Variants in DENND2D observed in about 807,000 individuals in gnomAD.
DENND2D encodes DENN domain-containing protein 2D.
Under a neutral mutation model 59.8 loss-of-function variants are expected in DENND2D, and 37 were observed. That is an observed-to-expected ratio of 0.62 (90% CI 0.48 to 0.81). The LOEUF is 0.81. DENND2D is among the 40% of genes least tolerant of loss of function. The pLI is 0.00. For synonymous variants in DENND2D, 219 were observed against 211.3 expected (o/e 1.04, Z -0.31); for missense variants, 525 against 579.7 (o/e 0.91, Z 0.97).
intron 11 of DENND2D, 112 bp from the exon 12 acceptor site, chr1:111,187,793 G>T: frequency 1.1e-6 from 1 of 901,028 alleles, no homozygotes; most frequent in Non-Finnish European, 1.7e-6. Context: ...TGCCATCCCT[G>T]CCAGGATGTC....
Position 111,200,405 on chromosome 1 carries a change from G to A in DENND2D, c.55C>T (p.Gln19Ter). 1 of 1,612,390 alleles carries A rather than the reference G, an allele frequency of 6.2e-7. No homozygotes were observed. Among genetic ancestry groups the A allele is most frequent in the Non-Finnish European group, 8.5e-7 (1 of 1,179,124 alleles). Residue 19 changes from glutamine (Q) to a stop codon, truncating the protein, a stop_gained, in exon 1 of 12, where the codon CAA becomes TAA. Coordinates refer to ENST00000357640, the MANE Select transcript of DENND2D (RefSeq NM_024901.5). LOFTEE classifies it high-confidence loss of function. Reference sequence around the variant, plus strand: ...GTCCAGTCCTGACCTGCTCGGAGTTGAAGCAGTCGGCGTTGGAAGAGCCTG... The same window carrying A: ...GTCCAGTCCTGACCTGCTCGGAGTTAAAGCAGTCGGCGTTGGAAGAGCCTG... ...VFRLFQRRLLQLRAGPPQDNS... is the reference protein window; with the variant it reads ...VFRLFQRRLL
At chr1:111,204,334 C>T, upstream of DENND2D, 3 of 1,480,630 alleles carry the variant, frequency 2.0e-6, no homozygotes, top group Admixed American at 2.3e-5. Flanking sequence ...GGCTCGAAGG[C>T]GGCGGCCGAG....
chr1:111,194,215 G>A (rs1253323385), intron 7 of DENND2D, among the ~76,000 whole-genome samples: 3 of 152,062 alleles, frequency 2.0e-5, no homozygotes, highest in African/African-American at 4.8e-5. Flanking sequence ...CACAATAAAT[G>A]TTTGTTGAAT....
Position 111,200,617 on chromosome 1 carries a change from G to A in DENND2D, c.-158C>T. The A allele has an allele frequency of 7.0e-7, 1 of 1,434,792 alleles. No homozygotes were observed. The highest frequency in any genetic ancestry group is 9.2e-7 in the Non-Finnish European group (1 of 1,083,484). The allele number at this position is 1,434,792 out of a possible 1,614,324, so 88.9% of individuals were successfully genotyped here. ...GAGAGGGAATAGAAGTTTCCATCCT[G>A]TGCACCCAGTGGTTGAGCAAGAAGG... On this transcript the variant is annotated 5_prime_UTR_variant, in exon 1 of 12. Coordinates refer to ENST00000357640, the MANE Select transcript of DENND2D (RefSeq NM_024901.5).
intron 8 of DENND2D, 44 bp downstream of exon 8, chr1:111,192,096 C>CTCTA (rs1657829383): frequency 6.7e-7 from 1 of 1,495,400 alleles, no homozygotes; most frequent in South Asian, 1.4e-5. Context: ...CTGAATCCCA[C>CTCTA]TCTACCTGGC....
chr1:111,186,244 C>T lies in DENND2D; in HGVS notation c.*1361G>A, dbSNP rs1402642121. Among the ~76,000 whole-genome samples the T allele has an allele frequency of 5.3e-5, 8 of 152,140 alleles. No individual in the cohort carries two copies. The highest frequency in any genetic ancestry group is 1.0e-4 in the Non-Finnish European group (7 of 68,034). ...CACAAGATTCTCAGGATTCCAGTTC[C>T]TGTTCTGAAACCTTTGGAGGTACAA... On this transcript the variant is annotated 3_prime_UTR_variant, in exon 12 of 12. Transcript: ENST00000357640.
chr1:111,199,476 G>T, intron 2 of DENND2D, 147 bp downstream of exon 2: 1 of 883,466 alleles, frequency 1.1e-6, no homozygotes, highest in Non-Finnish European at 1.7e-6. Flanking sequence ...GTGCTAAGAA[G>T]GAAATGGAGA....
Position 111,194,558 on chromosome 1 carries a change from C to T in DENND2D, c.794+20G>A, listed in dbSNP as rs374884976. Reference sequence around the variant, plus strand: ...GGGATGCTGGGCAGTTCAGGTGAGCCGTCCAGGGGCTGGGCCCACCTGAGA... The same window carrying T: ...GGGATGCTGGGCAGTTCAGGTGAGCTGTCCAGGGGCTGGGCCCACCTGAGA... On this transcript the variant is annotated intron_variant, in intron 7 of 11. Coordinates refer to ENST00000357640, the MANE Select transcript of DENND2D (RefSeq NM_024901.5). 192 of 1,612,562 alleles carry T rather than the reference C, an allele frequency of 1.2e-4. No homozygotes were observed. Among genetic ancestry groups the T allele is most frequent in the East Asian group, 1.3e-4 (6 of 44,876 alleles).
At chr1:111,200,692 C>T, upstream of DENND2D, 1 of 1,306,918 alleles carries the variant, frequency 7.7e-7, no homozygotes, top group Admixed American at 3.1e-5. Flanking sequence ...ACAGAGTCAG[C>T]ATCCTGGCAC....
intron 2 of DENND2D, 69 bp downstream of exon 2, chr1:111,199,554 A>G: frequency 6.6e-7 from 1 of 1,520,448 alleles, no homozygotes; most frequent in African/African-American, 1.4e-5. Flanking sequence ...AGGAGGTGGA[A>G]CCCCCACCCC....
intron 7 of DENND2D, among the ~76,000 whole-genome samples, 191 bp from the exon 8 acceptor site, chr1:111,192,508 A>G (rs1430356414): frequency 6.6e-6 from 1 of 152,100 alleles, no homozygotes; most frequent in Non-Finnish European, 1.5e-5. Context: ...GAAACTAGAG[A>G]GTCTGAGGCT....
At chr1:111,188,666 T>G in intron 10 of DENND2D, 36 bp downstream of exon 10, 1 of 1,563,896 alleles carries the variant, frequency 6.4e-7, no homozygotes, top group Non-Finnish European at 8.8e-7. Flanking sequence ...GCCCTTGCAC[T>G]GCCTGGAGAG....
chr1:111,195,757 G>T (rs1658168967), intron 6 of DENND2D, 159 bp downstream of exon 6: 2 of 990,460 alleles, frequency 2.0e-6, no homozygotes, highest in Admixed American at 4.3e-5. Flanking sequence ...AGAAAATCTG[G>T]GTTTGATTTC....
At chr1:111,189,164 G>T (rs1453039951) in intron 9 of DENND2D, 48 bp downstream of exon 9, 1 of 1,591,468 alleles carries the variant, frequency 6.3e-7, no homozygotes, top group Admixed American at 1.7e-5. Flanking sequence ...AAACTAGAGT[G>T]GTAGAGTTGT....
upstream of DENND2D, chr1:111,204,323 T>C: frequency 6.7e-7 from 1 of 1,481,642 alleles, no homozygotes; most frequent in Non-Finnish European, 8.9e-7. Flanking sequence ...AGTCTCAGGC[T>C]GGCTCGAAGG....
At chr1:111,196,132 C>T in intron 5 of DENND2D, 76 bp from the exon 6 acceptor site, 1 of 1,508,098 alleles carries the variant, frequency 6.6e-7, no homozygotes, top group Non-Finnish European at 8.8e-7. Context: ...CTACTTGCCC[C>T]TGAGCGTCAT....
rs536555419 is a variant in DENND2D at position 111,194,950 on chromosome 1, C to A, written c.646-224G>T. ...CTCACTCGCCTCCCCGAGCACACGCCCCTCTCTCACTGTGCTTCACCACAT... is the reference window on the plus strand; with the variant it reads ...CTCACTCGCCTCCCCGAGCACACGCACCTCTCTCACTGTGCTTCACCACAT... On this transcript the variant is annotated intron_variant, in intron 6 of 11. Transcript: ENST00000357640. Among the ~76,000 whole-genome samples, 145 of 152,196 alleles carry A rather than the reference C, an allele frequency of 9.5e-4. 2 individuals carry two copies. The Middle Eastern group carries it at 0.014, about 14-fold the overall frequency.
rs1447926201 is a variant in DENND2D at position 111,188,711 on chromosome 1, C to T, written c.1090G>A (p.Glu364Lys). The change falls in exon 10 of 12, where the codon GAG (glutamate) becomes AAG (lysine). Residue 364 changes from glutamate to lysine, a missense_variant. By Grantham distance (56) the Glu-to-Lys change is moderately conservative. This residue lies in a region of DENND2D where 225 missense variants were observed against 252.4 expected (regional missense o/e 0.89). Coordinates refer to ENST00000357640, the MANE Select transcript of DENND2D (RefSeq NM_024901.5). ...ILDSLGQGIN[E>K]LKTAEQINEH... Reference sequence around the variant, plus strand: ...AAGAGTAAGGACTTACTCTTTAACTCATTGATCCCCTGACCAAGAGAGTCT... The same window carrying T: ...AAGAGTAAGGACTTACTCTTTAACTTATTGATCCCCTGACCAAGAGAGTCT... 4 of 1,613,970 alleles carry T rather than the reference C, an allele frequency of 2.5e-6. No homozygotes were observed. The highest frequency in any genetic ancestry group is 2.5e-6 in the Non-Finnish European group (3 of 1,179,854).
In DENND2D at chr1:111,188,128, T is replaced by C; in HGVS notation, c.1339+3A>G. On this transcript the variant is annotated splice_donor_region_variant and intron_variant, in intron 11 of 11. Transcript: ENST00000357640. ...CTTAGACTGATGGGGACTGTTACTG[T>C]ACCTGCAGGAGGATTCTTGCTCTTC... The C allele has an allele frequency of 6.2e-7, 1 of 1,614,176 alleles. No individual in the cohort carries two copies. Among genetic ancestry groups the C allele is most frequent in the Non-Finnish European group, 8.5e-7 (1 of 1,180,020 alleles).
Sources: gnomAD v4.1 joint callset for allele counts (sites outside exome capture counted in the v4.1 genomes callset) on GRCh38, gnomAD v4.1.1 for gene constraint, gnomAD v4.1.1 regional missense constraint, MANE v1.5 for transcripts, NCBI Gene and HGNC (gene_info 2026-07-23, HGNC 2026-07-21) for gene names.